The following ZFP82 variants were observed in gnomAD, a reference collection of about 807,000 sequenced individuals.
The protein encoded by ZFP82 is ZFP82 zinc finger protein.
In ZFP82, 30 loss-of-function variants were observed where a neutral mutation model predicts 54.0. The ratio of observed to expected loss-of-function variants is 0.56; its 90% CI spans 0.42 to 0.75. The LOEUF is 0.75. ZFP82 is among the 30% of genes least tolerant of loss of function. The probability of loss-of-function intolerance (pLI) is 0.00; values close to 1 mark genes in which losing one functional copy is unlikely to be tolerated. For synonymous variants in ZFP82, 194 were observed against 209.5 expected (o/e 0.93, Z 0.64); for missense variants, 500 against 636.8 (o/e 0.79, Z 2.31).
intron 4 of ZFP82, among the ~76,000 whole-genome samples, chr19:36,404,150 C>G (rs1325567033): frequency 6.6e-6 from 1 of 152,016 alleles, no homozygotes; most frequent in Admixed American, 6.6e-5. Context: ...GTGACAGTGC[C>G]CAGCTCCAAG....
chr19:36,387,251 A>G (rs2032125724), downstream of ZFP82, among the ~76,000 whole-genome samples: 2 of 152,270 alleles, frequency 1.3e-5, no homozygotes, highest in African/African-American at 4.8e-5. Context: ...GAAGAACATG[A>G]ATTTGGGAGG....
At position 36,393,611 on chromosome 19, in the gene ZFP82, T is replaced by C. The variant is rs2032244104; in HGVS notation, c.729A>G (p.Val243=). ...EAFICGADLR[V]HQKMHIGEKP... ...TCTCACCAATATGCATTTTCTGATG[T>C]ACTCTAAGATCTGCACCACATATGA... is the stretch of plus-strand genomic sequence containing the variant. The change falls in exon 5 of 5, where the codon GTA becomes GTG. Residue 243 remains valine (V), a synonymous_variant. Transcript: ENST00000392161. The C allele has an allele frequency of 1.9e-6, 3 of 1,614,170 alleles. No homozygotes were observed. Among genetic ancestry groups the C allele is most frequent in the Non-Finnish European group, 2.5e-6 (3 of 1,180,036 alleles).
At chr19:36,413,155 G>C (rs1480842664) in intron 1 of ZFP82, among the ~76,000 whole-genome samples, 1 of 152,162 alleles carries the variant, frequency 6.6e-6, no homozygotes, top group African/African-American at 2.4e-5. Flanking sequence ...GCTCATGCCT[G>C]TAACCAACAC....
At chr19:36,404,046 A>G (rs1471331196) in intron 4 of ZFP82, among the ~76,000 whole-genome samples, 2 of 151,926 alleles carry the variant, frequency 1.3e-5, no homozygotes, top group African/African-American at 4.8e-5. Flanking sequence ...TGTATTTCCT[A>G]TTTATTTATA....
At chr19:36,398,141 C>T (rs1229416030) in intron 4 of ZFP82, among the ~76,000 whole-genome samples, 2 of 152,014 alleles carry the variant, frequency 1.3e-5, no homozygotes, top group East Asian at 1.9e-4. Context: ...ATATAAAGAT[C>T]GCTCACAAAA....
downstream of ZFP82, among the ~76,000 whole-genome samples, chr19:36,386,249 C>A (rs1056622232): frequency 5.3e-5 from 8 of 152,262 alleles, no homozygotes; most frequent in Non-Finnish European, 1.2e-4. Flanking sequence ...TCAGGTGTGG[C>A]TCAGCCTGCC....
chr19:36,412,979 G>GGACT (rs530568185), intron 1 of ZFP82, among the ~76,000 whole-genome samples: 6 of 152,210 alleles, frequency 3.9e-5, no homozygotes, highest in African/African-American at 1.4e-4. Flanking sequence ...TTTCCCCCAA[G>GGACT]GACTGGCACA....
intron 1 of ZFP82, among the ~76,000 whole-genome samples, chr19:36,411,587 G>T (rs992434057): frequency 7.2e-5 from 11 of 152,298 alleles, no homozygotes; most frequent in African/African-American, 2.6e-4. Context: ...AAAGGTATGT[G>T]TAACAGTATG....
intron 4 of ZFP82, among the ~76,000 whole-genome samples, chr19:36,403,434 G>C (rs1384081253): frequency 6.7e-6 from 1 of 149,512 alleles, no homozygotes; most frequent in Non-Finnish European, 1.5e-5. Context: ...GCCTGGCCAA[G>C]ATGGTGAAAC....
At chr19:36,394,210 CA>C in intron 4 of ZFP82, 100 bp from the exon 5 acceptor site, 1 of 1,085,990 alleles carries the variant, frequency 9.2e-7, no homozygotes, top group Non-Finnish European at 1.3e-6. Flanking sequence ...AATCCTTAAC[CA>C]AAACTCTAAA....
chr19:36,408,809 C>A (rs2032528811), intron 2 of ZFP82, among the ~76,000 whole-genome samples: 1 of 151,966 alleles, frequency 6.6e-6, no homozygotes, highest in African/African-American at 2.4e-5. Flanking sequence ...AAGAACAAAA[C>A]TCCGTCTCAA....
chr19:36,403,657 T>C (rs1600104733), intron 4 of ZFP82, among the ~76,000 whole-genome samples: 1 of 147,712 alleles, frequency 6.8e-6, no homozygotes, highest in South Asian at 2.1e-4. Context: ...AAACAAGAGC[T>C]GCAAAGAGAG....
At chr19:36,394,677 GTCTGT>G (rs2032265629) in intron 4 of ZFP82, 2 of 152,620 alleles carry the variant, frequency 1.3e-5, no homozygotes, top group Non-Finnish European at 2.9e-5. Flanking sequence ...ACTCTTCACA[GTCTGT>G]TCTATCTCCC....
At chr19:36,406,751 C>T (rs985614481) in intron 3 of ZFP82, among the ~76,000 whole-genome samples, 4 of 152,248 alleles carry the variant, frequency 2.6e-5, no homozygotes, top group East Asian at 1.9e-4. Context: ...TCTATAGTAT[C>T]GTACATTCCC....
In ZFP82 at chr19:36,390,593, A is replaced by G. The variant is rs534705977; in HGVS notation, c.*2148T>C. 4.6e-5 allele frequency: 7 copies of G among 152,078 alleles called. No homozygotes were observed. The highest frequency in any genetic ancestry group is 1.7e-4 in the African/African-American group (7 of 41,460). 9.4% of individuals were successfully genotyped at this position (152,078 alleles called of 1,614,324 possible). On this transcript the variant is annotated 3_prime_UTR_variant, in exon 5 of 5. Coordinates refer to ENST00000392161, the MANE Select transcript of ZFP82 (RefSeq NM_133466.4). Reference sequence around the variant, plus strand: ...AGTTCATCTGGCTGATCTCATTTAGAGATGTTAATATAGATTAGTGTCCTG... The same window carrying G: ...AGTTCATCTGGCTGATCTCATTTAGGGATGTTAATATAGATTAGTGTCCTG...
intron 4 of ZFP82, among the ~76,000 whole-genome samples, chr19:36,401,523 G>A (rs1359197261): frequency 6.6e-6 from 1 of 152,094 alleles, no homozygotes; most frequent in Non-Finnish European, 1.5e-5. Flanking sequence ...TCTTTTGACA[G>A]CGCCTTCATA....
At chr19:36,416,696 C>T (rs1415750903) in intron 1 of ZFP82, among the ~76,000 whole-genome samples, 3 of 138,596 alleles carry the variant, frequency 2.2e-5, no homozygotes, top group African/African-American at 8.1e-5. Context: ...GCGGAGGTTG[C>T]GGTGAGCTGG....
chr19:36,393,173 A>C lies in ZFP82; in HGVS notation c.1167T>G (p.Thr389=). 1 of 1,614,096 alleles carries C rather than the reference A, an allele frequency of 6.2e-7. No individual in the cohort carries two copies. The highest frequency in any genetic ancestry group is 2.2e-5 in the East Asian group (1 of 44,878). Residue 389 remains threonine (T), a synonymous_variant, in exon 5 of 5, where the codon ACT becomes ACG. Transcript: ENST00000392161. ...YHLILHHRIH[T]GEKPYECKEC... ...CCTTACATTCGTAAGGTTTTTCACC[A>C]GTATGAATTCTGTGATGGAGAATAA...
At position 36,392,848 on chromosome 19, in the gene ZFP82, T is replaced by G; in HGVS notation, c.1492A>C (p.Arg498=). The part of the protein sequence containing the change: ...RLNSSLIQHL[R]IHSGEKPYEC... ...TAGGGTTTCTCACCAGAATGAATTC[T>G]CAGATGTTGAATAAGGGATGAATTA... The change falls in exon 5 of 5, where the codon AGA becomes CGA. Residue 498 remains arginine, a synonymous_variant. Coordinates refer to ENST00000392161, the MANE Select transcript of ZFP82 (RefSeq NM_133466.4). The G allele has an allele frequency of 6.2e-7, 1 of 1,613,898 alleles. No homozygotes were observed. Among genetic ancestry groups the G allele is most frequent in the Non-Finnish European group, 8.5e-7 (1 of 1,179,826 alleles).
Sources: allele counts gnomAD v4.1 joint callset (sites outside exome capture counted in the v4.1 genomes callset), GRCh38; gene constraint gnomAD v4.1.1; transcripts MANE v1.5; gene names NCBI Gene and HGNC (gene_info 2026-07-23, HGNC 2026-07-21).